CLSTN2: variants seen among roughly 807,000 people sequenced by gnomAD.
CLSTN2 encodes calsyntenin-2.
A neutral mutation model predicts 101.2 loss-of-function variants in CLSTN2; 48 were observed. That is an observed-to-expected ratio of 0.47 (90% CI 0.38 to 0.60). The LOEUF (loss-of-function observed/expected upper bound fraction) is 0.60. CLSTN2 is among the 20% of genes least tolerant of loss of function. The probability of loss-of-function intolerance (pLI) is 0.00; values close to 1 mark genes in which losing one functional copy is unlikely to be tolerated. For missense variants in CLSTN2, 1,160 were observed against 1,238.2 expected (o/e 0.94, Z 0.95); for synonymous variants, 481 against 463.6 (o/e 1.04, Z -0.48).
chr3:140,020,090 G>A (rs2007277267), intron 1 of CLSTN2, among the ~76,000 whole-genome samples: 1 of 152,198 alleles, frequency 6.6e-6, no homozygotes, highest in Admixed American at 6.5e-5. Flanking sequence ...GAGCTCATCT[G>A]TGTTTCCACA....
chr3:140,534,397 G>A (rs1481649168), intron 9 of CLSTN2, among the ~76,000 whole-genome samples: 1 of 152,200 alleles, frequency 6.6e-6, no homozygotes, highest in East Asian at 1.9e-4. Context: ...AACTGCTGCT[G>A]AGTTACATGC....
At chr3:140,221,201 T>A (rs79815982) in intron 2 of CLSTN2, among the ~76,000 whole-genome samples, 6,031 of 152,286 alleles carry the variant, frequency 0.04, 367 homozygotes, top group African/African-American at 0.13. Context: ...GTCAACAATC[T>A]TTTATCCAAA....
At chr3:140,476,678 G>C (rs1177717799) in intron 8 of CLSTN2, among the ~76,000 whole-genome samples, 1 of 116,518 alleles carries the variant, frequency 8.6e-6, no homozygotes, top group Non-Finnish European at 1.7e-5. Context: ...TTTTTTTCCT[G>C]ATATGGAGTC....
At chr3:140,485,327 A>G (rs1166699707) in intron 8 of CLSTN2, among the ~76,000 whole-genome samples, 1 of 152,180 alleles carries the variant, frequency 6.6e-6, no homozygotes, top group South Asian at 2.1e-4. Context: ...GTTTTGTCTC[A>G]GAGGGGTACC....
At chr3:140,080,806 A>G (rs797010064) in intron 1 of CLSTN2, among the ~76,000 whole-genome samples, 3 of 152,328 alleles carry the variant, frequency 2.0e-5, no homozygotes, top group African/African-American at 7.2e-5. Context: ...CACAATGGCT[A>G]TGCAGCACCC....
intron 1 of CLSTN2, among the ~76,000 whole-genome samples, chr3:139,996,480 C>A (rs2006665343): frequency 6.6e-6 from 1 of 151,910 alleles, no homozygotes; most frequent in East Asian, 1.9e-4. Flanking sequence ...AGCTCTGCCT[C>A]CCGGGTTCAT....
Position 140,559,960 on chromosome 3 carries a change from C to G in CLSTN2, c.2041+1103C>G, listed in dbSNP as rs778847818. Among the ~76,000 whole-genome samples, 31 of 152,334 alleles carry G rather than the reference C, an allele frequency of 2.0e-4. 1 individual carries two copies. The highest frequency in any genetic ancestry group is 6.7e-4 in the African/African-American group (28 of 41,580). The stretch of plus-strand genomic sequence containing the variant: ...AGGTTGTATGATTGTCCCTCTTCCC[C>G]TGTTCTCATTTGTGGCTAAAATCAG... On this transcript the variant is annotated intron_variant, in intron 12 of 16. Coordinates refer to ENST00000458420, the MANE Select transcript of CLSTN2 (RefSeq NM_022131.3).
At chr3:140,453,386 A>G (rs1933298218) in intron 6 of CLSTN2, 1 of 152,222 alleles carries the variant, frequency 6.6e-6, no homozygotes, top group Non-Finnish European at 1.5e-5. Context: ...CAGGATTTAT[A>G]TACATGTGAG....
At chr3:140,371,870 A>T (rs1362056202) in intron 2 of CLSTN2, among the ~76,000 whole-genome samples, 1 of 152,204 alleles carries the variant, frequency 6.6e-6, no homozygotes, top group Non-Finnish European at 1.5e-5. Context: ...CCCCAGGGAC[A>T]TACCTACATT....
intron 2 of CLSTN2, among the ~76,000 whole-genome samples, chr3:140,267,990 A>G (rs933506212): frequency 6.6e-6 from 1 of 152,158 alleles, no homozygotes; most frequent in African/African-American, 2.4e-5. Context: ...TAAGCTTATC[A>G]TTTATCTTTA....
At chr3:140,089,070 C>G (rs1226302041) in intron 1 of CLSTN2, among the ~76,000 whole-genome samples, 1 of 152,128 alleles carries the variant, frequency 6.6e-6, no homozygotes, top group Admixed American at 6.5e-5. Context: ...CACATTGAGT[C>G]TTTTGGTCTC....
At chr3:140,523,846 C>T (rs142636070) in intron 8 of CLSTN2, among the ~76,000 whole-genome samples, 1 of 152,312 alleles carries the variant, frequency 6.6e-6, no homozygotes, top group East Asian at 1.9e-4. Context: ...AGACTGTTCG[C>T]TCTGTTCAAC....
chr3:140,281,112 T>C (rs1229091779), intron 2 of CLSTN2, among the ~76,000 whole-genome samples: 1 of 152,228 alleles, frequency 6.6e-6, no homozygotes, highest in Non-Finnish European at 1.5e-5. Context: ...TGTGAGTCCA[T>C]GTGTGTGACA....
intron 1 of CLSTN2, among the ~76,000 whole-genome samples, chr3:139,954,617 T>A (rs1464568739): frequency 2.0e-5 from 3 of 152,128 alleles, no homozygotes; most frequent in African/African-American, 7.2e-5. Flanking sequence ...TGGGGGAACA[T>A]CTGGCACCTC....
At chr3:140,024,460 G>A (rs960611926) in intron 1 of CLSTN2, among the ~76,000 whole-genome samples, 8 of 152,198 alleles carry the variant, frequency 5.3e-5, no homozygotes, top group African/African-American at 1.9e-4. Context: ...TTTTCTCAAG[G>A]AAGCAAGGTT....
rs1391508289 is a variant in CLSTN2, at chr3:140,484,570, GT to G, written c.1344+17841del. 2.0e-5 allele frequency among the ~76,000 whole-genome samples: 3 copies of G among 151,102 alleles called. No individual in the cohort carries two copies. The East Asian group carries it at 5.8e-4, about 29-fold the overall frequency. ...ATCCTGCAGAGTGTTTTCCAACTTAGTTCCATTCTCCCCATCACTTTCAGGT... is the reference window on the plus strand; with the variant it reads ...ATCCTGCAGAGTGTTTTCCAACTTAGTCCATTCTCCCCATCACTTTCAGGT... On this transcript the variant is annotated intron_variant, in intron 8 of 16. Transcript: ENST00000458420.
intron 1 of CLSTN2, among the ~76,000 whole-genome samples, chr3:140,136,522 A>G (rs1029137889): frequency 2.0e-5 from 3 of 152,212 alleles, no homozygotes; most frequent in Admixed American, 2.0e-4. Context: ...GGTCTGTGGT[A>G]ATGTTCCCTG....
At chr3:140,174,088 GCT>G (rs1356174065) in intron 1 of CLSTN2, among the ~76,000 whole-genome samples, 1 of 152,060 alleles carries the variant, frequency 6.6e-6, no homozygotes, top group Non-Finnish European at 1.5e-5. Context: ...AAACTTATCT[GCT>G]CTGTTTCCCT....
intron 2 of CLSTN2, among the ~76,000 whole-genome samples, chr3:140,293,583 T>C (rs1328969786): frequency 6.6e-6 from 1 of 152,124 alleles, no homozygotes; most frequent in African/African-American, 2.4e-5. Context: ...AATTAAGATA[T>C]ATTTAGGCAG....
Sources: gnomAD v4.1 joint callset for allele counts (sites outside exome capture counted in the v4.1 genomes callset) on GRCh38, gnomAD v4.1.1 for gene constraint, MANE v1.5 for transcripts, NCBI Gene and HGNC (gene_info 2026-07-23, HGNC 2026-07-21) for gene names.